Variants in DCUN1D2 observed in about 807,000 individuals in gnomAD.
The protein encoded by DCUN1D2 is DCN1-like protein 2.
DCUN1D2 carries 29 observed loss-of-function variants against 30.9 expected under a neutral mutation model. The observed-to-expected ratio is 0.94, with a 90% CI of 0.70 to 1.28. DCUN1D2 has a LOEUF of 1.28. DCUN1D2 is among the 50% of genes most tolerant of loss of function. The probability of loss-of-function intolerance (pLI) is 0.00; values close to 1 mark genes in which losing one functional copy is unlikely to be tolerated. For missense variants in DCUN1D2, 325 were observed against 316.9 expected (o/e 1.03, Z -0.19); for synonymous variants, 121 against 115.3 (o/e 1.05, Z -0.32).
chr13:113,462,798 T>G, intron 4 of DCUN1D2: 1 of 1,191,560 alleles, frequency 8.4e-7, no homozygotes, highest in Non-Finnish European at 1.1e-6. Flanking sequence ...CTTATAAGTC[T>G]ACATCCTTAT....
chr13:113,478,481 TTTAA>T (rs2044654978), intron 3 of DCUN1D2, among the ~76,000 whole-genome samples: 1 of 152,174 alleles, frequency 6.6e-6, no homozygotes. Flanking sequence ...TTCTTTTCTA[TTTAA>T]TTATTCTTGT....
At chr13:113,460,880 G>T (rs773275518) in intron 5 of DCUN1D2, among the ~76,000 whole-genome samples, 174 bp downstream of exon 5, 6 of 152,172 alleles carry the variant, frequency 3.9e-5, no homozygotes, top group African/African-American at 1.2e-4. Context: ...TGCAGTCTCC[G>T]GCAAGGTGAC....
intron 4 of DCUN1D2, among the ~76,000 whole-genome samples, chr13:113,472,570 G>A (rs1566499234): frequency 6.6e-6 from 1 of 152,152 alleles, no homozygotes; most frequent in Non-Finnish European, 1.5e-5. Flanking sequence ...AAGGAAGCAG[G>A]GAACGCACTC....
At position 113,457,610 on chromosome 13, in the gene DCUN1D2, G is replaced by A. The variant is rs78053051; in HGVS notation, c.*419C>T. ...GCTTTGACGTGTATAAAAACGCAGC[G>A]CCCTGCAGAGGACACATGCCGTGTT... On this transcript the variant is annotated 3_prime_UTR_variant, in exon 7 of 7. Transcript: ENST00000478244. 0.024 allele frequency: 3,704 copies of A among 155,740 alleles called. 97 individuals carry two copies. The highest frequency in any genetic ancestry group is 0.11 in the East Asian group (593 of 5,340). The allele number at this position is 155,740 out of a possible 1,614,324, so 9.6% of individuals were successfully genotyped here. A position where few individuals can be genotyped will look rare whatever the true frequency, so the allele number is the denominator to read the frequency against.
upstream of DCUN1D2, chr13:113,490,775 G>A: frequency 1.0e-5 from 11 of 1,060,008 alleles, no homozygotes; most frequent in Non-Finnish European, 1.3e-5. This position sits in a 1 kb window ranked among gnomAD's most constrained non-coding sequence, Gnocchi z 5.2. Context: ...CCGGGGCAGT[G>A]CCGGGAGCCG....
intron 1 of DCUN1D2, among the ~76,000 whole-genome samples, chr13:113,484,824 G>A (rs1428475826): frequency 1.3e-5 from 2 of 152,190 alleles, no homozygotes; most frequent in Non-Finnish European, 1.5e-5. Flanking sequence ...ACTTGATGAT[G>A]TAATCCCAGC....
At chr13:113,464,940 G>A (rs1401110530) in intron 4 of DCUN1D2, among the ~76,000 whole-genome samples, 3 of 152,226 alleles carry the variant, frequency 2.0e-5, no homozygotes, top group Admixed American at 6.5e-5. Flanking sequence ...TTTGCCAAGG[G>A]CCTAGAAAAG....
chr13:113,475,221 A>T (rs1175811048), intron 3 of DCUN1D2, among the ~76,000 whole-genome samples: 1 of 152,240 alleles, frequency 6.6e-6, no homozygotes, highest in Non-Finnish European at 1.5e-5. Context: ...CGTATGTCAC[A>T]GTGGTCCCAT....
chr13:113,469,800 C>T lies in DCUN1D2; in HGVS notation c.520+4324G>A, dbSNP rs188394251. Among the ~76,000 whole-genome samples, 10 of 152,280 alleles carry T rather than the reference C, an allele frequency of 6.6e-5. No individual in the cohort carries two copies. The East Asian group carries it at 1.9e-3, about 29-fold the overall frequency. On this transcript the variant is annotated intron_variant, in intron 4 of 6. Coordinates refer to ENST00000478244, the MANE Select transcript of DCUN1D2 (RefSeq NM_001014283.2). The stretch of plus-strand genomic sequence containing the variant: ...GCTGCAGTGAGCTATGATCGCGCCA[C>T]TCCACTCCAGCCTGGGCAAGAGAGC...
chr13:113,483,798 G>A, intron 2 of DCUN1D2, 42 bp downstream of exon 2: 2 of 1,590,210 alleles, frequency 1.3e-6, no homozygotes, highest in Non-Finnish European at 1.7e-6. Flanking sequence ...GGCCGCTCGC[G>A]GAGGCCGACA....
intron 3 of DCUN1D2, among the ~76,000 whole-genome samples, chr13:113,480,307 G>A (rs142035151): frequency 1.2e-3 from 181 of 151,518 alleles, no homozygotes; most frequent in African/African-American, 4.2e-3. Context: ...ATTCAAAATT[G>A]GAAAGGAAAA....
At position 113,490,465 on chromosome 13, in the gene DCUN1D2, C is replaced by T; in HGVS notation, c.3+202G>A. The T allele has an allele frequency of 2.0e-6, 1 of 503,500 alleles. No individual in the cohort carries two copies. Among genetic ancestry groups the T allele is most frequent in the Non-Finnish European group, 3.1e-6 (1 of 324,904 alleles). The allele number at this position is 503,500 out of a possible 1,614,324, so 31.2% of individuals were successfully genotyped here. On this transcript the variant is annotated intron_variant, in intron 1 of 6. Coordinates refer to ENST00000478244, the MANE Select transcript of DCUN1D2 (RefSeq NM_001014283.2). The surrounding 1 kb of genome is among the most constrained non-coding windows in gnomAD (Gnocchi z 5.2). ...CGTCCCTCGCGGCTCCGGGTCAAAC[C>T]CGCGCTCCCCGCGGTCCCGCGCCTC...
At chr13:113,481,144 T>C (rs2044701253) in intron 2 of DCUN1D2, among the ~76,000 whole-genome samples, 1 of 152,208 alleles carries the variant, frequency 6.6e-6, no homozygotes, top group Non-Finnish European at 1.5e-5. Context: ...TGAGTTTTTA[T>C]CACAACTCTG....
At chr13:113,477,702 GTTTT>G (rs768564510) in intron 3 of DCUN1D2, among the ~76,000 whole-genome samples, 8 of 137,082 alleles carry the variant, frequency 5.8e-5, no homozygotes, top group Admixed American at 1.5e-4. Flanking sequence ...TTTTCTATGA[GTTTT>G]TTTTTTTTTT....
At chr13:113,458,230 T>C in intron 6 of DCUN1D2, 122 bp from the exon 7 acceptor site, 1 of 853,966 alleles carries the variant, frequency 1.2e-6, no homozygotes, top group Non-Finnish European at 2.0e-6. Flanking sequence ...GTCCACACCA[T>C]TTGTGTTTCA....
chr13:113,476,114 T>C (rs991346659), intron 3 of DCUN1D2: 1 of 152,280 alleles, frequency 6.6e-6, no homozygotes, highest in African/African-American at 2.4e-5. Flanking sequence ...TTATGATTCA[T>C]AAACGCTACT....
At chr13:113,484,118 G>A in intron 1 of DCUN1D2, 62 bp from the exon 2 acceptor site, 1 of 1,600,068 alleles carries the variant, frequency 6.2e-7, no homozygotes. Flanking sequence ...CCCAGCTTTA[G>A]CCTAACGCCT....
chr13:113,462,519 T>C (rs2044335101), intron 4 of DCUN1D2, among the ~76,000 whole-genome samples: 1 of 152,194 alleles, frequency 6.6e-6, no homozygotes, highest in African/African-American at 2.4e-5. Context: ...AAGTTGGAGC[T>C]GTAGCAAGAT....
rs957892121 is a variant in DCUN1D2 at position 113,456,588 on chromosome 13, G to A, written c.*1441C>T. ...GGCACGCCTGTGACATGAGAGTCTC[G>A]GCACGTGAGGTAGGGTCAACAGTGA... On this transcript the variant is annotated 3_prime_UTR_variant, in exon 7 of 7. Coordinates refer to ENST00000478244, the MANE Select transcript of DCUN1D2 (RefSeq NM_001014283.2). 58 of 387,684 alleles carry A rather than the reference G, an allele frequency of 1.5e-4. No individual in the cohort carries two copies. Among genetic ancestry groups the A allele is most frequent in the African/African-American group, 8.5e-4 (41 of 48,380 alleles). 24.0% of individuals were successfully genotyped at this position (387,684 alleles called of 1,614,324 possible).
Sources: allele counts gnomAD v4.1 joint callset (sites outside exome capture counted in the v4.1 genomes callset), GRCh38; gene constraint gnomAD v4.1.1; non-coding constraint Gnocchi (gnomAD v3.1); transcripts MANE v1.5; gene names NCBI Gene and HGNC (gene_info 2026-07-23, HGNC 2026-07-21).